ADRM1: variants seen among roughly 807,000 people sequenced by gnomAD.
ADRM1 encodes the protein ADRM1 26S proteasome ubiquitin receptor.
In ADRM1, 2 loss-of-function variants were observed where a neutral mutation model predicts 40.1. That is an observed-to-expected ratio of 0.05 (90% CI 0.02 to 0.16). ADRM1 has a LOEUF of 0.16. Among genes scored for constraint, ADRM1 ranks in the 10% least tolerant of loss-of-function variants. ADRM1 has a pLI of 1.00. For missense variants in ADRM1, 467 were observed against 552.5 expected, an observed-to-expected ratio of 0.85 and a Z score of 1.55; for synonymous variants, 287 against 240.4, an observed-to-expected ratio of 1.19 and a Z score of -1.79.
chr20:62,304,228 C>G, intron 2 of ADRM1: 2 of 550,070 alleles, frequency 3.6e-6, no homozygotes, highest in South Asian at 2.1e-5. Context: ...TCAGAAACCC[C>G]GTTGCCATCT....
chr20:62,307,975 G>A lies in ADRM1; in HGVS notation c.857-46G>A, dbSNP rs750230872. 6.3e-6 allele frequency: 10 copies of A among 1,585,462 alleles called. No individual in the cohort carries two copies. In the Admixed American group the frequency reaches 1.7e-4, roughly 27 times the overall value. On this transcript the variant is annotated intron_variant, in intron 7 of 9. Transcript: ENST00000253003. ...CCCTGCTTGCATGCCTTCCATGTGG[G>A]CACTTAGGCTGTCATCGAGCTGATG...
Position 62,303,576 on chromosome 20 carries a change from C to A in ADRM1, c.8C>A (p.Thr3Asn). 1 of 1,580,518 alleles carries A rather than the reference C, an allele frequency of 6.3e-7. No individual in the cohort carries two copies. The highest frequency in any genetic ancestry group is 8.6e-7 in the Non-Finnish European group (1 of 1,163,086). Residue 3 changes from threonine (T) to asparagine (N), a missense_variant, in exon 2 of 10, where the codon ACC (threonine) becomes AAC (asparagine). Thr to Asn is a moderately conservative substitution (Grantham distance 65, BLOSUM62 0). Coordinates refer to ENST00000253003, the MANE Select transcript of ADRM1 (RefSeq NM_007002.4). ...CCTCTCCGCGCTTTCAGGATGACGACCTCAGGCGCGCTCTTTCCAAGCCTG... is the reference window on the plus strand; with the variant it reads ...CCTCTCCGCGCTTTCAGGATGACGAACTCAGGCGCGCTCTTTCCAAGCCTG... MT[T>N]SGALFPSLVP...
intron 2 of ADRM1, chr20:62,304,217 C>T (rs943324620): frequency 5.5e-6 from 3 of 540,778 alleles, no homozygotes; most frequent in African/African-American, 1.9e-5. Flanking sequence ...TCCAGCACGT[C>T]TCAGAAACCC....
chr20:62,304,165 G>C, intron 2 of ADRM1: 1 of 486,776 alleles, frequency 2.1e-6, no homozygotes, highest in Non-Finnish European at 3.7e-6. Flanking sequence ...ACATTTGAGA[G>C]CAGTTCAGCG....
chr20:62,308,795 G>C lies in ADRM1; in HGVS notation c.*34G>C. On this transcript the variant is annotated 3_prime_UTR_variant, in exon 10 of 10. Transcript: ENST00000253003. ...CCGTCCTCCGAGGAACTGGGCGCTT[G>C]CAGTGCGTTGCACACCCTCACCTCC... 1 of 1,609,500 alleles carries C rather than the reference G, an allele frequency of 6.2e-7. No homozygotes were observed.
chr20:62,304,430 C>T lies in ADRM1; in HGVS notation c.214-31C>T, dbSNP rs748379070. 9 of 1,577,678 alleles carry T rather than the reference C, an allele frequency of 5.7e-6. No homozygotes were observed. In the Admixed American group the frequency reaches 1.2e-4, roughly 21 times the overall value. ...ACTGGGCACAGTGATGCCATCTGCG[C>T]CACTGACTCTCTCTTCCCCTGGCTT... On this transcript the variant is annotated intron_variant, in intron 2 of 9. Transcript: ENST00000253003.
At position 62,307,698 on chromosome 20, in the gene ADRM1, G is replaced by T; in HGVS notation, c.726G>T (p.Pro242=). The T allele has an allele frequency of 6.2e-7, 1 of 1,612,158 alleles. No homozygotes were observed. The highest frequency in any genetic ancestry group is 8.5e-7 in the Non-Finnish European group (1 of 1,179,852). ...SAPAAASATS[P]SPAPSSGNGA... ...CAGCAGCTGCCTCAGCAACTAGCCCGAGCCCCGCGCCCAGTTCCGGGAATG... is the reference window on the plus strand; with the variant it reads ...CAGCAGCTGCCTCAGCAACTAGCCCTAGCCCCGCGCCCAGTTCCGGGAATG... The change falls in exon 7 of 10, where the codon CCG becomes CCT. Residue 242 remains proline, a synonymous_variant. Transcript: ENST00000253003.
At chr20:62,303,842 C>T in intron 2 of ADRM1, 61 bp downstream of exon 2, 1 of 1,549,044 alleles carries the variant, frequency 6.5e-7, no homozygotes, top group African/African-American at 1.4e-5. Context: ...GGAGTCCTCG[C>T]TTTGGAGTTC....
chr20:62,303,054 G>C lies in ADRM1; in HGVS notation c.-2+5G>C, dbSNP rs965066418. The C allele has an allele frequency of 2.0e-5, 3 of 151,958 alleles. No individual in the cohort carries two copies. The highest frequency in any genetic ancestry group is 2.0e-4 in the Admixed American group (3 of 15,260). 9.4% of individuals were successfully genotyped at this position (151,958 alleles called of 1,614,324 possible). On this transcript the variant is annotated splice_donor_5th_base_variant and intron_variant, in intron 1 of 9. Coordinates refer to ENST00000253003, the MANE Select transcript of ADRM1 (RefSeq NM_007002.4). Reference sequence around the variant, plus strand: ...ACGAGTGTGGGCGCGAGGCAGGTGCGGGAGTCGCCGGGCCTGGGGCGGCCG... The same window carrying C: ...ACGAGTGTGGGCGCGAGGCAGGTGCCGGAGTCGCCGGGCCTGGGGCGGCCG...
rs1985462058 is a variant in ADRM1, at chr20:62,308,322, G to A, written c.1015-46G>A. On this transcript the variant is annotated intron_variant, in intron 8 of 9. Coordinates refer to ENST00000253003, the MANE Select transcript of ADRM1 (RefSeq NM_007002.4). ...GGCAGCTGAGCAGTGTGGCTCTGGG[G>A]TGCAGCCCGGGTTGGAGCTCAGCCC... is the stretch of plus-strand genomic sequence containing the variant. 6 of 1,558,644 alleles carry A rather than the reference G, an allele frequency of 3.8e-6. No individual in the cohort carries two copies. The East Asian group carries it at 9.3e-5, about 24-fold the overall frequency.
intron 5 of ADRM1, among the ~76,000 whole-genome samples, chr20:62,307,034 C>T (rs1985095000): frequency 1.3e-5 from 2 of 152,128 alleles, no homozygotes; most frequent in South Asian, 4.1e-4. Context: ...TCCCCTGGCC[C>T]TACATGGCTG....
At chr20:62,303,215 GC>G in intron 1 of ADRM1, 166 bp downstream of exon 1, 1 of 169,750 alleles carries the variant, frequency 5.9e-6, no homozygotes, top group Non-Finnish European at 1.3e-5. Flanking sequence ...CTCGGGCGCC[GC>G]CCCGGTTCCG....
rs36021300 is a variant in ADRM1, at chr20:62,307,611, G to T, written c.639G>T (p.Ser213=). The T allele has an allele frequency of 3.3e-4, 538 of 1,611,244 alleles. 1 individual carries two copies. The African/African-American group carries it at 6.3e-3, about 19-fold the overall frequency. ...SSSSSSSRSQ[S]AAVTPSSTTS... is the part of the protein sequence containing the mutation. ...CTCTTCGCAGCTCCCGGAGCCAGTC[G>T]GCAGCGGTCACCCCGTCATCCACCA... Residue 213 remains serine (S), a synonymous_variant, in exon 7 of 10, where the codon TCG becomes TCT. Transcript: ENST00000253003.
At position 62,307,666 on chromosome 20, in the gene ADRM1, T is replaced by C. The variant is rs1985287711; in HGVS notation, c.694T>C (p.Ser232Pro). ...TSSTRATPAP[S>P]APAAASATSP... ...TTCCACCCGTGCCACCCCAGCCCCT[T>C]CTGCTCCAGCAGCTGCCTCAGCAAC... is the stretch of plus-strand genomic sequence containing the variant. Residue 232 changes from serine (S) to proline (P), a missense_variant, in exon 7 of 10, where the codon TCT (serine) becomes CCT (proline). Transcript: ENST00000253003. 6.2e-7 allele frequency: 1 copy of C among 1,612,100 alleles called. No homozygotes were observed. The highest frequency in any genetic ancestry group is 1.3e-5 in the African/African-American group (1 of 74,912).
Position 62,303,479 on chromosome 20 carries a change from C to T in ADRM1, c.-1-89C>T, listed in dbSNP as rs1367099058. 1.9e-5 allele frequency: 26 copies of T among 1,357,722 alleles called. No individual in the cohort carries two copies. The Middle Eastern group carries it at 1.1e-3, about 56-fold the overall frequency. 84.1% of individuals were successfully genotyped at this position (1,357,722 alleles called of 1,614,324 possible). On this transcript the variant is annotated intron_variant, in intron 1 of 9. Coordinates refer to ENST00000253003, the MANE Select transcript of ADRM1 (RefSeq NM_007002.4). ...CTTAGGCAGCTCTGGGCGCAGGCCC[C>T]CTGCTCGCAAACACCCCAGGGGGCG...
intron 2 of ADRM1, 47 bp downstream of exon 2, chr20:62,303,828 C>T (rs1217424525): frequency 1.9e-6 from 3 of 1,576,024 alleles, no homozygotes; most frequent in Non-Finnish European, 2.6e-6. Flanking sequence ...CTTCTCGGGC[C>T]CTCGGAGTCC....
Position 62,308,451 on chromosome 20 carries a change from G to A in ADRM1, c.1098G>A (p.Val366=). Residue 366 remains valine, a synonymous_variant, in exon 9 of 10, where the codon GTG becomes GTA. Coordinates refer to ENST00000253003, the MANE Select transcript of ADRM1 (RefSeq NM_007002.4). ...MCQFGLPAEA[V]EAANKGDVEA... is the part of the protein sequence containing the mutation. ...AGTTCGGTCTGCCTGCAGAGGCTGT[G>A]GAGGCCGCCAACAAGGGCGGTAAGT... is the stretch of plus-strand genomic sequence containing the variant. 6.2e-7 allele frequency: 1 copy of A among 1,607,826 alleles called. No individual in the cohort carries two copies.
rs754055148 is a variant in ADRM1, at chr20:62,308,664, C to T, written c.1127C>T (p.Ala376Val). 1 of 1,612,986 alleles carries T rather than the reference C, an allele frequency of 6.2e-7. No individual in the cohort carries two copies. Among genetic ancestry groups the T allele is most frequent in the Non-Finnish European group, 8.5e-7 (1 of 1,179,954 alleles). The change falls in exon 10 of 10, where the codon GCG becomes GTG. Residue 376 changes from alanine to valine, a missense_variant. This residue lies in a region of ADRM1 where 418 missense variants were observed against 474.6 expected (regional missense o/e 0.88). Coordinates refer to ENST00000253003, the MANE Select transcript of ADRM1 (RefSeq NM_007002.4). ...CTTTAACGTGTTCTAGATGTGGAAGCGTTTGCCAAAGCCATGCAGAACAAC... is the reference window on the plus strand; with the variant it reads ...CTTTAACGTGTTCTAGATGTGGAAGTGTTTGCCAAAGCCATGCAGAACAAC... ...VEAANKGDVE[A>V]FAKAMQNNAK...
In ADRM1 at chr20:62,308,713, C is replaced by CGACACGAAGGACACGAAG; in HGVS notation, c.1189_1190insCGAAGGACACGAAGGACA (p.Asp396_Lys397insThrLysAspThrLysAsp). On this transcript the variant is annotated inframe_insertion, in exon 10 of 10. Transcript: ENST00000253003. ...ACGCCAAGCCCGAGCAGAAAGAGGG[C>CGACACGAAGGACACGAAG]GACACGAAGGACAAGAAGGACGAAG... 1 of 1,612,986 alleles carries CGACACGAAGGACACGAAG rather than the reference C, an allele frequency of 6.2e-7. No homozygotes were observed. The highest frequency in any genetic ancestry group is 8.5e-7 in the Non-Finnish European group (1 of 1,179,964).
Sources: gnomAD v4.1 joint callset for allele counts (sites outside exome capture counted in the v4.1 genomes callset) on GRCh38, gnomAD v4.1.1 for gene constraint, gnomAD v4.1.1 regional missense constraint, MANE v1.5 for transcripts, NCBI Gene and HGNC (gene_info 2026-07-23, HGNC 2026-07-21) for gene names.